Variants in MAGI2 observed in about 807,000 individuals in gnomAD.
MAGI2 encodes membrane associated guanylate kinase, WW and PDZ domain containing 2.
MAGI2 carries 35 observed loss-of-function variants against 133.3 expected under a neutral mutation model. The ratio of observed to expected loss-of-function variants is 0.26; its 90% CI spans 0.20 to 0.35. The LOEUF is 0.35. Ranked by LOEUF, MAGI2 falls within the 10% of genes least tolerant of loss-of-function variation. The probability of loss-of-function intolerance (pLI) is 1.00; values close to 1 mark genes in which losing one functional copy is unlikely to be tolerated. For missense variants in MAGI2, 1,636 were observed against 1,863.4 expected (o/e 0.88, Z 2.25); for synonymous variants, 729 against 710.6 (o/e 1.03, Z -0.41).
At chr7:79,271,302 G>A (rs549181850) in intron 1 of MAGI2, among the ~76,000 whole-genome samples, 26 of 152,164 alleles carry the variant, frequency 1.7e-4, no homozygotes, top group South Asian at 1.0e-3. Flanking sequence ...GTCAGCTTCC[G>A]GAGTCTAGAG....
intron 1 of MAGI2, among the ~76,000 whole-genome samples, chr7:79,108,713 A>G (rs1391971949): frequency 4.6e-5 from 7 of 152,172 alleles, no homozygotes; most frequent in Non-Finnish European, 1.0e-4. Flanking sequence ...GTGACTTGAT[A>G]TAGTTTTGGG....
intron 2 of MAGI2, among the ~76,000 whole-genome samples, chr7:78,832,332 G>A (rs1323577939): frequency 6.6e-6 from 1 of 151,774 alleles, no homozygotes; most frequent in African/African-American, 2.4e-5. Flanking sequence ...TACATGACAT[G>A]TCTACCATGC....
chr7:78,415,794 G>A (rs1367036768), intron 6 of MAGI2, among the ~76,000 whole-genome samples: 1 of 152,102 alleles, frequency 6.6e-6, no homozygotes, highest in African/African-American at 2.4e-5. Context: ...CAGATATTCT[G>A]TCAGACCTTG....
intron 6 of MAGI2, 89 bp from the exon 7 acceptor site, chr7:78,369,302 A>T: frequency 1.1e-6 from 1 of 912,168 alleles, no homozygotes; most frequent in Non-Finnish European, 1.7e-6. Flanking sequence ...GGATTGCAGA[A>T]ATGGTCTGCC....
chr7:78,413,799 G>A (rs1583980710), intron 6 of MAGI2, among the ~76,000 whole-genome samples: 1 of 151,314 alleles, frequency 6.6e-6, no homozygotes, highest in South Asian at 2.1e-4. Flanking sequence ...GGAAGAGAAG[G>A]AATTTTTGGA....
intron 21 of MAGI2, among the ~76,000 whole-genome samples, chr7:78,073,850 G>T (rs1167318816): frequency 1.3e-5 from 2 of 152,176 alleles, no homozygotes; most frequent in Admixed American, 1.3e-4. Context: ...GCAATAACCA[G>T]GGTGAAGGAG....
chr7:78,431,239 T>G (rs1326321501), intron 6 of MAGI2, among the ~76,000 whole-genome samples: 1 of 152,140 alleles, frequency 6.6e-6, no homozygotes, highest in Non-Finnish European at 1.5e-5. Context: ...GAAGGTTCAG[T>G]AATTATTTGA....
At chr7:78,270,347 T>C (rs1193001521) in intron 9 of MAGI2, among the ~76,000 whole-genome samples, 1 of 152,188 alleles carries the variant, frequency 6.6e-6, no homozygotes, top group Non-Finnish European at 1.5e-5. Context: ...GTCTATAAAT[T>C]ATCTTGGGCA....
chr7:78,913,257 C>T (rs568657563), intron 2 of MAGI2, among the ~76,000 whole-genome samples: 11 of 152,062 alleles, frequency 7.2e-5, no homozygotes, highest in Non-Finnish European at 1.6e-4. Flanking sequence ...AGCATGGGAG[C>T]ACATGTCTCA....
chr7:79,007,351 C>T, intron 1 of MAGI2, 145 bp from the exon 2 acceptor site: 1 of 565,236 alleles, frequency 1.8e-6, no homozygotes. Context: ...ACATTTACTG[C>T]CACAATGATA....
At chr7:79,395,377 G>C (rs192009249) in intron 1 of MAGI2, among the ~76,000 whole-genome samples, 37 of 152,190 alleles carry the variant, frequency 2.4e-4, no homozygotes, top group Admixed American at 2.2e-3. Flanking sequence ...GCAGAATGTT[G>C]GTTTTCAGAA....
chr7:79,336,738 T>G (rs914216126), intron 1 of MAGI2, among the ~76,000 whole-genome samples: 7 of 152,140 alleles, frequency 4.6e-5, no homozygotes, highest in African/African-American at 1.7e-4. Flanking sequence ...TTTTACTTAG[T>G]ATGATGTCCT....
intron 21 of MAGI2, among the ~76,000 whole-genome samples, chr7:78,047,365 G>A (rs1171868340): frequency 1.3e-5 from 2 of 152,204 alleles, no homozygotes; most frequent in African/African-American, 2.4e-5. Context: ...TGGTGAGCCT[G>A]TAATTGCACC....
Position 78,672,977 on chromosome 7 carries a change from A to T in MAGI2, c.419-45738T>A, listed in dbSNP as rs974395071. On this transcript the variant is annotated intron_variant, in intron 2 of 21. Coordinates refer to ENST00000354212, the MANE Select transcript of MAGI2 (RefSeq NM_012301.4). ...GCTTAGCCTATAAAAGTTTGGAATA[A>T]ATGTTTAGCCTTCTTCTGAAGTATT... is the stretch of plus-strand genomic sequence containing the variant. Among the ~76,000 whole-genome samples the T allele has an allele frequency of 3.3e-5, 5 of 152,184 alleles. No homozygotes were observed. The South Asian group carries it at 1.0e-3, about 32-fold the overall frequency.
chr7:78,555,698 A>G (rs1799763815), intron 3 of MAGI2, among the ~76,000 whole-genome samples: 1 of 152,166 alleles, frequency 6.6e-6, no homozygotes, highest in South Asian at 2.1e-4. Context: ...GTGCTAAAGG[A>G]AAAAAGCTTA....
At chr7:78,855,846 G>C (rs998480957) in intron 2 of MAGI2, among the ~76,000 whole-genome samples, 4 of 152,306 alleles carry the variant, frequency 2.6e-5, no homozygotes, top group Non-Finnish European at 4.4e-5. Context: ...TTCCACAATG[G>C]TTGAACTAGT....
intron 2 of MAGI2, among the ~76,000 whole-genome samples, chr7:78,890,877 CA>C (rs1309400963): frequency 6.6e-6 from 1 of 152,044 alleles, no homozygotes; most frequent in Non-Finnish European, 1.5e-5. Context: ...TAACTAAGAT[CA>C]GAGCAGAACT....
chr7:79,444,956 C>A (rs899376146), intron 1 of MAGI2, among the ~76,000 whole-genome samples: 3 of 152,026 alleles, frequency 2.0e-5, no homozygotes, highest in African/African-American at 4.8e-5. Context: ...GGTACTGGTA[C>A]CAAAACAGAG....
chr7:79,341,806 G>A (rs1563133610), intron 1 of MAGI2, among the ~76,000 whole-genome samples: 3 of 152,298 alleles, frequency 2.0e-5, no homozygotes, highest in Non-Finnish European at 2.9e-5. Context: ...CCAACAGGTT[G>A]AACTGATGTG....
Sources: allele counts gnomAD v4.1 joint callset (sites outside exome capture counted in the v4.1 genomes callset), GRCh38; gene constraint gnomAD v4.1.1; transcripts MANE v1.5; gene names NCBI Gene and HGNC (gene_info 2026-07-23, HGNC 2026-07-21).